Variants in SCLT1 observed in about 807,000 individuals in gnomAD.
SCLT1 encodes sodium channel-associated protein 1.
A neutral mutation model predicts 112.8 loss-of-function variants in SCLT1; 78 were observed. The observed-to-expected ratio is 0.69, with a 90% CI of 0.58 to 0.83. SCLT1 has a LOEUF of 0.83. Ranked by LOEUF, SCLT1 falls within the 40% of genes least tolerant of loss-of-function variation. SCLT1 has a pLI of 0.00. For synonymous variants in SCLT1, 257 were observed against 254.7 expected, an observed-to-expected ratio of 1.01 and a Z score of -0.09; for missense variants, 747 against 770.4, an observed-to-expected ratio of 0.97 and a Z score of 0.36.
At chr4:128,914,780 T>C (rs189695538) in intron 18 of SCLT1, among the ~76,000 whole-genome samples, 1 of 152,304 alleles carries the variant, frequency 6.6e-6, no homozygotes, top group East Asian at 1.9e-4. Context: ...TATTGGAAAC[T>C]ATAGTTTCTT....
At chr4:128,904,817 A>G (rs1734570284) in intron 18 of SCLT1, among the ~76,000 whole-genome samples, 1 of 152,178 alleles carries the variant, frequency 6.6e-6, no homozygotes, top group Non-Finnish European at 1.5e-5. Context: ...TATGGCTTCA[A>G]AAGACCTGAC....
At chr4:129,017,401 TTAAATA>T (rs766730225) in intron 5 of SCLT1, among the ~76,000 whole-genome samples, 4 of 152,196 alleles carry the variant, frequency 2.6e-5, no homozygotes, top group Non-Finnish European at 5.9e-5. Context: ...TTGTTTTCTT[TTAAATA>T]TAACAGTTGT....
At chr4:129,031,999 T>A (rs913037047) in intron 5 of SCLT1, among the ~76,000 whole-genome samples, 2 of 151,878 alleles carry the variant, frequency 1.3e-5, no homozygotes, top group African/African-American at 4.8e-5. Context: ...GCCAAGACAA[T>A]CCTAAGCAAA....
At chr4:129,043,263 T>A (rs148037766) in intron 4 of SCLT1, 132 bp downstream of exon 4, 2 of 634,348 alleles carry the variant, frequency 3.2e-6, no homozygotes, top group Admixed American at 3.1e-5. Flanking sequence ...CACATTTACA[T>A]AGGGCCACCA....
At chr4:129,066,294 C>A (rs748189449) in intron 2 of SCLT1, among the ~76,000 whole-genome samples, 6 of 152,022 alleles carry the variant, frequency 3.9e-5, no homozygotes, top group Non-Finnish European at 8.8e-5. Flanking sequence ...CAGAGGAAAT[C>A]TGAGATCAAT....
intron 6 of SCLT1, among the ~76,000 whole-genome samples, chr4:129,002,999 G>C (rs1743655750): frequency 6.6e-6 from 1 of 152,076 alleles, no homozygotes; most frequent in African/African-American, 2.4e-5. Context: ...GTTTATTGCA[G>C]TACTATTCAC....
intron 18 of SCLT1, among the ~76,000 whole-genome samples, chr4:128,929,858 A>G (rs192570597): frequency 6.6e-6 from 1 of 152,336 alleles, no homozygotes; most frequent in Admixed American, 6.5e-5. Context: ...TGGTGTTATA[A>G]CAAAATACCA....
At chr4:128,996,055 T>A (rs544461721) in intron 8 of SCLT1, among the ~76,000 whole-genome samples, 32 of 151,934 alleles carry the variant, frequency 2.1e-4, no homozygotes, top group African/African-American at 7.5e-4. Context: ...GGGTGATGAA[T>A]GCACATACCT....
rs181485214 is a variant in SCLT1 at position 129,010,428 on chromosome 4, A to G, written c.291-6552T>C. On this transcript the variant is annotated intron_variant, in intron 5 of 20. Transcript: ENST00000281142. ...TTTTTCGTTCCACATGAATTTTAAAATAGTTTTTTCTAGTTCTGTGAAGAA... is the reference window on the plus strand; with the variant it reads ...TTTTTCGTTCCACATGAATTTTAAAGTAGTTTTTTCTAGTTCTGTGAAGAA... Among the ~76,000 whole-genome samples, 465 of 152,288 alleles carry G rather than the reference A, an allele frequency of 3.1e-3. 1 individual carries two copies. Among genetic ancestry groups the G allele is most frequent in the African/African-American group, 0.011 (445 of 41,564 alleles).
At chr4:128,999,512 G>A (rs1178067430) in intron 7 of SCLT1, among the ~76,000 whole-genome samples, 160 bp downstream of exon 7, 1 of 151,850 alleles carries the variant, frequency 6.6e-6, no homozygotes, top group African/African-American at 2.4e-5. Flanking sequence ...CTGTTCAATA[G>A]TGTAACCATC....
chr4:128,955,641 T>G (rs1267583627), intron 13 of SCLT1, among the ~76,000 whole-genome samples: 2 of 152,190 alleles, frequency 1.3e-5, no homozygotes, highest in African/African-American at 2.4e-5. Context: ...CCGTGAATAA[T>G]TTGGGATTAA....
At chr4:129,029,194 T>C (rs1027435938) in intron 5 of SCLT1, among the ~76,000 whole-genome samples, 3 of 152,126 alleles carry the variant, frequency 2.0e-5, no homozygotes, top group Non-Finnish European at 2.9e-5. Flanking sequence ...CCCAGAGGAT[T>C]ATAAATCATG....
At position 129,093,243 on chromosome 4, in the gene SCLT1, C is replaced by G; in HGVS notation, c.-140G>C. 2.8e-6 allele frequency: 2 copies of G among 722,334 alleles called. No individual in the cohort carries two copies. The highest frequency in any genetic ancestry group is 4.9e-6 in the Non-Finnish European group (2 of 408,588). 44.7% of individuals were successfully genotyped at this position (722,334 alleles called of 1,614,324 possible). The stretch of plus-strand genomic sequence containing the variant: ...CCAGCGGTGCAATCTGCATCCTACT[C>G]ACGCGGCATCTACAGCCCCGCCACG... On this transcript the variant is annotated 5_prime_UTR_variant, in exon 1 of 21. Transcript: ENST00000281142.
intron 9 of SCLT1, 25 bp downstream of exon 9, chr4:128,992,142 T>C: frequency 7.0e-7 from 1 of 1,427,714 alleles, no homozygotes; most frequent in Non-Finnish European, 9.8e-7. Flanking sequence ...AACAATGAAA[T>C]AATGAAACTC....
chr4:128,956,729 G>C (rs1044314316), intron 13 of SCLT1, among the ~76,000 whole-genome samples: 1 of 151,898 alleles, frequency 6.6e-6, no homozygotes, highest in Non-Finnish European at 1.5e-5. Context: ...TCACCTAGGA[G>C]AGAAATAATA....
At chr4:129,008,830 A>C (rs1284665656) in intron 5 of SCLT1, among the ~76,000 whole-genome samples, 1 of 152,062 alleles carries the variant, frequency 6.6e-6, no homozygotes, top group East Asian at 1.9e-4. Context: ...CCACCCATTG[A>C]TAGGCCCCAG....
chr4:129,052,229 T>C (rs148940082), intron 2 of SCLT1, among the ~76,000 whole-genome samples: 1,841 of 152,278 alleles, frequency 0.012, 21 homozygotes, highest in South Asian at 0.025. Flanking sequence ...CAGAATGATG[T>C]TGGCCTCATA....
intron 2 of SCLT1, among the ~76,000 whole-genome samples, chr4:129,060,019 G>A (rs1749810231): frequency 1.3e-5 from 2 of 152,034 alleles, no homozygotes; most frequent in African/African-American, 4.8e-5. Context: ...CATAAGTACT[G>A]TAGCCTTTGT....
intron 5 of SCLT1, among the ~76,000 whole-genome samples, chr4:129,022,431 C>A (rs756125437): frequency 5.3e-5 from 8 of 152,160 alleles, no homozygotes; most frequent in Admixed American, 1.3e-4. Context: ...ACTAGAATAA[C>A]CAGTTTAAAG....
Sources: allele counts gnomAD v4.1 joint callset (sites outside exome capture counted in the v4.1 genomes callset), GRCh38; gene constraint gnomAD v4.1.1; transcripts MANE v1.5; gene names NCBI Gene and HGNC (gene_info 2026-07-23, HGNC 2026-07-21).